The following CAPN7 variants were observed in gnomAD, a reference collection of about 807,000 sequenced individuals.
CAPN7 encodes calpain 7, also known as calpain-7.
CAPN7 carries 72 observed loss-of-function variants against 115.2 expected under a neutral mutation model. The observed-to-expected ratio is 0.63, with a 90% confidence interval of 0.52 to 0.76. CAPN7 has a LOEUF of 0.76. Among genes scored for constraint, CAPN7 ranks in the 30% least tolerant of loss-of-function variants. The pLI is 0.00. For missense variants in CAPN7, 905 were observed against 971.5 expected, an observed-to-expected ratio of 0.93 and a Z score of 0.91; for synonymous variants, 344 against 322.3, an observed-to-expected ratio of 1.07 and a Z score of -0.72.
At chr3:15,226,886 T>C (rs1427238350) in intron 6 of CAPN7, among the ~76,000 whole-genome samples, 1 of 152,070 alleles carries the variant, frequency 6.6e-6, no homozygotes, top group Admixed American at 6.6e-5. Flanking sequence ...TGTGCCAGTT[T>C]GCATATTATA....
At chr3:15,225,851 C>T (rs1193172163) in intron 6 of CAPN7, among the ~76,000 whole-genome samples, 3 of 151,926 alleles carry the variant, frequency 2.0e-5, no homozygotes, top group Admixed American at 6.6e-5. Context: ...CTAAGTGGCA[C>T]GGTATTTTCT....
At position 15,235,066 on chromosome 3, in the gene CAPN7, T is replaced by C; in HGVS notation, c.1328T>C (p.Met443Thr). 1 of 1,613,528 alleles carries C rather than the reference T, an allele frequency of 6.2e-7. No homozygotes were observed. The highest frequency in any genetic ancestry group is 8.5e-7 in the Non-Finnish European group (1 of 1,179,510). The stretch of plus-strand genomic sequence containing the variant: ...GTCCTCATCACTGCGTCAACTGGAA[T>C]GATGACAGAAGCTGAAGGAGAGAAG... ...GDVLITASTG[M>T]MTEAEGEKWG... Residue 443 changes from methionine (M) to threonine (T), a missense_variant, in exon 12 of 21, where the codon ATG (methionine) becomes ACG (threonine). Physicochemically the swap from Met to Thr is moderately conservative, Grantham distance 81 (BLOSUM62 -1). Coordinates refer to ENST00000253693, the MANE Select transcript of CAPN7 (RefSeq NM_014296.3).
At chr3:15,231,697 T>A (rs1694697940) in intron 9 of CAPN7, among the ~76,000 whole-genome samples, 1 of 151,964 alleles carries the variant, frequency 6.6e-6, no homozygotes, top group Non-Finnish European at 1.5e-5. Context: ...GCCCGGCTAA[T>A]TTTTGTATTT....
At chr3:15,221,949 G>A (rs749991740) in intron 5 of CAPN7, among the ~76,000 whole-genome samples, 13 of 149,682 alleles carry the variant, frequency 8.7e-5, no homozygotes, top group African/African-American at 3.2e-4. Flanking sequence ...GGGAGATCCC[G>A]TCTCAAAAAA....
intron 5 of CAPN7, among the ~76,000 whole-genome samples, chr3:15,221,242 T>G (rs1216991847): frequency 1.3e-5 from 2 of 151,910 alleles, no homozygotes; most frequent in Non-Finnish European, 2.9e-5. Flanking sequence ...TGCAGTGGTG[T>G]GATCTTGGCT....
At chr3:15,241,845 C>T (rs994725099) in intron 15 of CAPN7, among the ~76,000 whole-genome samples, 2 of 151,934 alleles carry the variant, frequency 1.3e-5, no homozygotes, top group African/African-American at 2.4e-5. Context: ...GGGGGTTGAT[C>T]GTGTATAGTT....
intron 2 of CAPN7, among the ~76,000 whole-genome samples, chr3:15,215,511 C>T (rs887583669): frequency 1.3e-5 from 2 of 152,208 alleles, no homozygotes; most frequent in Middle Eastern, 3.2e-3. Context: ...TCCTCCCTCC[C>T]CCTAGCCACC....
At chr3:15,208,306 A>G (rs1365570515) in intron 1 of CAPN7, among the ~76,000 whole-genome samples, 2 of 149,582 alleles carry the variant, frequency 1.3e-5, no homozygotes, top group African/African-American at 5.0e-5. Flanking sequence ...TTTTTAAGAG[A>G]CAGCGTCTTG....
chr3:15,237,748 A>G (rs1213815143), intron 12 of CAPN7, among the ~76,000 whole-genome samples: 1 of 152,028 alleles, frequency 6.6e-6, no homozygotes, highest in African/African-American at 2.4e-5. Flanking sequence ...GGCAGGAGGA[A>G]TGCTTGAGGC....
At chr3:15,230,273 C>G (rs1220870606) in intron 8 of CAPN7, among the ~76,000 whole-genome samples, 169 bp from the exon 9 acceptor site, 1 of 152,098 alleles carries the variant, frequency 6.6e-6, no homozygotes, top group African/African-American at 2.4e-5. Context: ...TAAATAAGCA[C>G]TTTGATTAGG....
intron 19 of CAPN7, among the ~76,000 whole-genome samples, chr3:15,248,750 T>C (rs1695820910): frequency 6.6e-6 from 1 of 152,086 alleles, no homozygotes. Flanking sequence ...CCCAGCACTT[T>C]GGAAGGCCAA....
chr3:15,247,157 A>G lies in CAPN7; in HGVS notation c.2074-170A>G. ...AGGCTAAGAGATGGAAATAGGGGTT[A>G]GTGGAGCAAAGCAGCCTGGCTGTCA... On this transcript the variant is annotated intron_variant, in intron 18 of 20. Transcript: ENST00000253693. 4 of 585,318 alleles carry G rather than the reference A, an allele frequency of 6.8e-6. No homozygotes were observed. In the South Asian group the frequency reaches 9.3e-5, roughly 14 times the overall value. 36.3% of individuals were successfully genotyped at this position (585,318 alleles called of 1,614,324 possible).
rs1277043711 is a variant in CAPN7, at chr3:15,227,899, A to G, written c.786A>G (p.Val262=). The G allele has an allele frequency of 2.6e-6, 4 of 1,552,778 alleles. No homozygotes were observed. Among genetic ancestry groups the G allele is most frequent in the East Asian group, 2.4e-5 (1 of 41,202 alleles). The change falls in exon 7 of 21, where the codon GTA becomes GTG. Residue 262 remains valine, a synonymous_variant. Coordinates refer to ENST00000253693, the MANE Select transcript of CAPN7 (RefSeq NM_014296.3). The part of the protein sequence containing the change: ...PKQKTTFSKW[V]RPEDLTNNPT... ...AAAAAACTACATTTTCCAAGTGGGT[A>G]CGACCAGAAGACCTCACCAACAATC...
chr3:15,243,600 A>C (rs1185075587), intron 16 of CAPN7, among the ~76,000 whole-genome samples: 1 of 152,214 alleles, frequency 6.6e-6, no homozygotes, highest in Non-Finnish European at 1.5e-5. Context: ...AGAGGGCCTG[A>C]TGAAACAGTG....
chr3:15,233,821 A>T (rs1694834280), intron 10 of CAPN7, 46 bp from the exon 11 acceptor site: 3 of 986,754 alleles, frequency 3.0e-6, no homozygotes, highest in Non-Finnish European at 4.9e-6. Context: ...GGGATTTAAG[A>T]ACTTGAAAAT....
At chr3:15,223,664 T>C in intron 6 of CAPN7, 103 bp downstream of exon 6, 1 of 743,540 alleles carries the variant, frequency 1.3e-6, no homozygotes, top group Non-Finnish European at 2.2e-6. Flanking sequence ...ATAAAAAAAT[T>C]TGTTGGAATA....
intron 17 of CAPN7, chr3:15,246,136 C>T (rs1229929911): frequency 6.5e-6 from 1 of 154,424 alleles, no homozygotes; most frequent in African/African-American, 2.4e-5. Context: ...TGGGGTATCA[C>T]CATGTTGGCC....
At chr3:15,222,671 C>CT (rs1694073342) in intron 5 of CAPN7, among the ~76,000 whole-genome samples, 1 of 152,200 alleles carries the variant, frequency 6.6e-6, no homozygotes, top group Non-Finnish European at 1.5e-5. Context: ...TTTCCATATG[C>CT]TACCTTCACA....
Position 15,251,841 on chromosome 3 carries a change from G to C in CAPN7, c.*581G>C, listed in dbSNP as rs1228331789. On this transcript the variant is annotated 3_prime_UTR_variant, in exon 21 of 21. Coordinates refer to ENST00000253693, the MANE Select transcript of CAPN7 (RefSeq NM_014296.3). ...TGTTATGAAAGAATAAAGCTTTTAA[G>C]TATAGACTACCTTAGCATGAAGATG... The C allele has an allele frequency of 6.6e-6, 1 of 152,156 alleles. No individual in the cohort carries two copies. Among genetic ancestry groups the C allele is most frequent in the African/African-American group, 2.4e-5 (1 of 41,452 alleles). The allele number at this position is 152,156 out of a possible 1,614,324, so 9.4% of individuals were successfully genotyped here. A position where few individuals can be genotyped will look rare whatever the true frequency, so the allele number is the denominator to read the frequency against.
Sources: gnomAD v4.1 joint callset for allele counts (sites outside exome capture counted in the v4.1 genomes callset) on GRCh38, gnomAD v4.1.1 for gene constraint, MANE v1.5 for transcripts, NCBI Gene and HGNC (gene_info 2026-07-23, HGNC 2026-07-21) for gene names.